KCNIP4: variants seen among roughly 807,000 people sequenced by gnomAD.
KCNIP4 encodes the protein potassium voltage-gated channel interacting protein 4, also known as Kv channel-interacting protein 4.
Under a neutral mutation model 34.0 loss-of-function variants are expected in KCNIP4, and 12 were observed. The observed-to-expected ratio is 0.35, with a 90% CI of 0.23 to 0.57. The LOEUF is 0.57. Among genes scored for constraint, KCNIP4 ranks in the 20% least tolerant of loss-of-function variants. The probability of loss-of-function intolerance (pLI) is 0.83; values close to 1 mark genes in which losing one functional copy is unlikely to be tolerated. For missense variants in KCNIP4, 238 were observed against 311.7 expected (o/e 0.76, Z 1.78); for synonymous variants, 124 against 102.2 (o/e 1.21, Z -1.29).
In KCNIP4 at chr4:21,615,384, C is replaced by CAAA. The variant is rs11463024; in HGVS notation, c.61+333184_61+333186dup. ...TGAAACCCCGTCTCTACTAAAAATA[C>CAAA]AAAAAAAAAAAAATTAGCTGGAATG... On this transcript the variant is annotated intron_variant, in intron 1 of 8. Coordinates refer to ENST00000382152, the MANE Select transcript of KCNIP4 (RefSeq NM_025221.6). Among the ~76,000 whole-genome samples the CAAA allele has an allele frequency of 1.7e-3, 246 of 143,072 alleles. 9 individuals are homozygous for CAAA. The South Asian group carries it at 0.048, about 28-fold the overall frequency. 93.9% of individuals were successfully genotyped at this position (143,072 alleles called of 152,430 possible).
At chr4:21,699,755 G>A (rs1712681799) in intron 1 of KCNIP4, among the ~76,000 whole-genome samples, 1 of 152,282 alleles carries the variant, frequency 6.6e-6, no homozygotes, top group Admixed American at 6.5e-5. Flanking sequence ...AGTATGTGAA[G>A]CCTTATAGCT....
intron 1 of KCNIP4, among the ~76,000 whole-genome samples, chr4:21,884,935 C>T (rs1219914794): frequency 1.6e-5 from 2 of 126,622 alleles, no homozygotes; most frequent in Admixed American, 1.9e-4. Context: ...ACCCTGCCAA[C>T]AAAAGTACAG....
intron 1 of KCNIP4, among the ~76,000 whole-genome samples, chr4:21,742,703 A>G (rs533796305): frequency 3.7e-4 from 57 of 152,278 alleles, no homozygotes; most frequent in African/African-American, 1.3e-3. Flanking sequence ...ATACAACAAG[A>G]CTTAGTCTCA....
intron 1 of KCNIP4, among the ~76,000 whole-genome samples, chr4:21,785,148 G>A (rs1047028489): frequency 3.4e-4 from 52 of 152,154 alleles, no homozygotes; most frequent in African/African-American, 1.3e-3. Context: ...CTCATCCCCC[G>A]AAATTATTTT....
intron 1 of KCNIP4, among the ~76,000 whole-genome samples, chr4:21,474,449 G>C (rs1185051387): frequency 6.6e-6 from 1 of 152,116 alleles, no homozygotes; most frequent in African/African-American, 2.4e-5. Context: ...ATATGCCTCA[G>C]GTTATGATCT....
intron 1 of KCNIP4, among the ~76,000 whole-genome samples, chr4:21,341,263 A>G (rs1165477411): frequency 6.6e-6 from 1 of 152,090 alleles, no homozygotes; most frequent in African/African-American, 2.4e-5. Context: ...ATGACAGAGT[A>G]TATTTATTTT....
chr4:21,599,769 T>C (rs1011968877), intron 1 of KCNIP4, among the ~76,000 whole-genome samples: 5 of 152,100 alleles, frequency 3.3e-5, no homozygotes, highest in Admixed American at 1.3e-4. Flanking sequence ...TTAACTTTCC[T>C]GGTTTACCTA....
At position 21,504,508 on chromosome 4, in the gene KCNIP4, G is replaced by GAAAGA. The variant is rs1392434479; in HGVS notation, c.61+444062_61+444063insTCTTT. On this transcript the variant is annotated intron_variant, in intron 1 of 8. Coordinates refer to ENST00000382152, the MANE Select transcript of KCNIP4 (RefSeq NM_025221.6). ...GAAAGAAAGAAAGAAAGAAAGAAAG[G>GAAAGA]AAGGAAGGAAGAAAGCAAGCAAGCA... Among the ~76,000 whole-genome samples the GAAAGA allele has an allele frequency of 2.4e-3, 290 of 121,626 alleles. 1 individual carries two copies. The highest frequency in any genetic ancestry group is 4.4e-3 in the African/African-American group (146 of 32,920). The allele number at this position is 121,626 out of a possible 152,430, so 79.8% of individuals were successfully genotyped here.
chr4:21,428,486 T>C (rs11726652), intron 1 of KCNIP4, among the ~76,000 whole-genome samples: 17,779 of 152,156 alleles, frequency 0.12, 1,144 homozygotes, highest in East Asian at 0.18. Flanking sequence ...AGCATTAAAA[T>C]CAGCCTGCAG....
At chr4:20,850,406 C>T in intron 3 of KCNIP4, 137 bp downstream of exon 3, 4 of 901,844 alleles carry the variant, frequency 4.4e-6, no homozygotes, top group South Asian at 3.4e-5. Context: ...TGATTATATT[C>T]CTATCTGGGA....
chr4:21,173,277 C>A (rs749512441), intron 1 of KCNIP4, among the ~76,000 whole-genome samples: 33 of 151,908 alleles, frequency 2.2e-4, no homozygotes, highest in African/African-American at 4.4e-4. Flanking sequence ...GGAAAAAAAA[C>A]CACTTTGTAA....
chr4:21,483,242 T>TATATATAG (rs1230623579), intron 1 of KCNIP4, among the ~76,000 whole-genome samples: 1 of 151,498 alleles, frequency 6.6e-6, no homozygotes, highest in Non-Finnish European at 1.5e-5. Context: ...TATATATATA[T>TATATATAG]ATAAAGAAAT....
intron 1 of KCNIP4, among the ~76,000 whole-genome samples, chr4:21,663,200 G>A (rs1233771831): frequency 6.6e-6 from 1 of 152,142 alleles, no homozygotes; most frequent in Non-Finnish European, 1.5e-5. Flanking sequence ...TTTGAGAAAA[G>A]AAGTTATCGA....
At chr4:20,828,973 T>C (rs1718096543) in intron 3 of KCNIP4, among the ~76,000 whole-genome samples, 1 of 152,256 alleles carries the variant, frequency 6.6e-6, no homozygotes, top group Non-Finnish European at 1.5e-5. Context: ...TTTGTTACTC[T>C]CTCTAGCTTT....
At chr4:21,904,724 ATGAAAT>A (rs1727896847) in intron 1 of KCNIP4, among the ~76,000 whole-genome samples, 1 of 152,146 alleles carries the variant, frequency 6.6e-6, no homozygotes, top group Non-Finnish European at 1.5e-5. Context: ...GACATTTTGG[ATGAAAT>A]CATTTTTTGT....
chr4:21,885,797 G>GT (rs536529866), intron 1 of KCNIP4, among the ~76,000 whole-genome samples: 1 of 152,028 alleles, frequency 6.6e-6, no homozygotes, highest in East Asian at 1.9e-4. Flanking sequence ...AGAATATTAT[G>GT]TTTTTTTCCA....
chr4:21,753,104 G>A (rs1481729346), intron 1 of KCNIP4, among the ~76,000 whole-genome samples: 1 of 152,188 alleles, frequency 6.6e-6, no homozygotes, highest in African/African-American at 2.4e-5. Flanking sequence ...TGAATTGGAA[G>A]TTCAGTTAAA....
intron 1 of KCNIP4, among the ~76,000 whole-genome samples, chr4:21,167,798 C>T (rs1056240245): frequency 2.0e-5 from 3 of 152,174 alleles, no homozygotes; most frequent in East Asian, 3.9e-4. Flanking sequence ...TACTTCTTCA[C>T]GATTAACAAT....
intron 3 of KCNIP4, among the ~76,000 whole-genome samples, chr4:20,804,649 C>A (rs904082855): frequency 6.6e-6 from 1 of 152,062 alleles, no homozygotes; most frequent in African/African-American, 2.4e-5. Context: ...TTTTGTTATA[C>A]TCTCTTTCTA....
Sources: allele counts gnomAD v4.1 joint callset (sites outside exome capture counted in the v4.1 genomes callset), GRCh38; gene constraint gnomAD v4.1.1; transcripts MANE v1.5; gene names NCBI Gene and HGNC (gene_info 2026-07-23, HGNC 2026-07-21).